SDK1: variants seen among roughly 807,000 people sequenced by gnomAD.
SDK1 encodes the protein protein sidekick-1.
Under a neutral mutation model 245.5 loss-of-function variants are expected in SDK1, and 157 were observed. The ratio of observed to expected loss-of-function variants is 0.64; its 90% CI spans 0.56 to 0.73. The LOEUF (loss-of-function observed/expected upper bound fraction) is 0.73. Among genes scored for constraint, SDK1 ranks in the 30% least tolerant of loss-of-function variants. The pLI, the probability that SDK1 is intolerant of heterozygous loss-of-function variation, is 0.00. For synonymous variants in SDK1, 1,647 were observed against 1,278.5 expected (o/e 1.29, Z -6.15); for missense variants, 3,583 against 3,002.3 (o/e 1.19, Z -4.52).
chr7:3,860,776 G>A (rs1003997176), intron 5 of SDK1, among the ~76,000 whole-genome samples: 5 of 151,972 alleles, frequency 3.3e-5, no homozygotes, highest in Admixed American at 2.6e-4. Flanking sequence ...TGATAATGCC[G>A]CACCTGACAC....
In SDK1 at chr7:3,913,375, C is replaced by G. The variant is rs533935499; in HGVS notation, c.848-37548C>G. Among the ~76,000 whole-genome samples, 97 of 150,998 alleles carry G rather than the reference C, an allele frequency of 6.4e-4. 1 individual carries two copies. The highest frequency in any genetic ancestry group is 1.7e-3 in the Admixed American group (25 of 15,102). On this transcript the variant is annotated intron_variant, in intron 5 of 44. Transcript: ENST00000404826. The stretch of plus-strand genomic sequence containing the variant: ...GTGGCACGATCTCGGCTCACTGCAA[C>G]CTCCGCCTCCCAGGTTCACGCCATT...
chr7:3,565,421 C>G (rs566958240), intron 1 of SDK1, among the ~76,000 whole-genome samples: 1 of 152,126 alleles, frequency 6.6e-6, no homozygotes, highest in East Asian at 1.9e-4. Flanking sequence ...CTTAACATAG[C>G]GTTTTCATTT....
chr7:4,083,773 T>TA (rs1429491533), intron 22 of SDK1, among the ~76,000 whole-genome samples: 1 of 5,966 alleles, frequency 1.7e-4, no homozygotes, highest in Non-Finnish European at 2.9e-4. Context: ...CTCCCTCCCT[T>TA]CTTTCCTCCC....
intron 39 of SDK1, among the ~76,000 whole-genome samples, chr7:4,220,675 G>A (rs1785100620): frequency 6.6e-6 from 1 of 152,152 alleles, no homozygotes; most frequent in African/African-American, 2.4e-5. Flanking sequence ...GAAGGCGTGG[G>A]CTGCAGAACC....
chr7:4,242,522 C>G (rs1194996414), intron 43 of SDK1, among the ~76,000 whole-genome samples: 1 of 152,014 alleles, frequency 6.6e-6, no homozygotes, highest in Non-Finnish European at 1.5e-5. Context: ...GAGCGCCATC[C>G]TCTGATTTGA....
intron 1 of SDK1, among the ~76,000 whole-genome samples, chr7:3,452,704 A>G (rs1204270418): frequency 6.6e-6 from 1 of 152,148 alleles, no homozygotes; most frequent in Admixed American, 6.5e-5. Flanking sequence ...AATTCAAGGA[A>G]ATATACATAG....
At chr7:3,311,157 C>G (rs1243240559) in intron 1 of SDK1, among the ~76,000 whole-genome samples, 2 of 152,028 alleles carry the variant, frequency 1.3e-5, no homozygotes, top group Non-Finnish European at 1.5e-5. Context: ...GGCTGGGATA[C>G]AACCTGGATA....
chr7:4,087,474 C>T (rs1235539245), intron 22 of SDK1, among the ~76,000 whole-genome samples: 4 of 111,854 alleles, frequency 3.6e-5, no homozygotes, highest in African/African-American at 1.3e-4. Flanking sequence ...CAGACACACA[C>T]GCGCGCACAC....
chr7:4,236,923 T>G (rs1030023694), intron 41 of SDK1, among the ~76,000 whole-genome samples: 2 of 152,136 alleles, frequency 1.3e-5, no homozygotes, highest in African/African-American at 4.8e-5. Context: ...GCTTGTTTTG[T>G]GGAGACAGGG....
intron 24 of SDK1, 92 bp downstream of exon 24, chr7:4,113,531 C>T (rs1384600936): frequency 7.8e-6 from 11 of 1,413,342 alleles, no homozygotes; most frequent in South Asian, 5.2e-5. Flanking sequence ...TTCTTAGTCA[C>T]GCCTTTGTCC....
At chr7:3,949,909 A>C (rs1018423643) in intron 5 of SDK1, among the ~76,000 whole-genome samples, 8 of 152,236 alleles carry the variant, frequency 5.3e-5, no homozygotes, top group Non-Finnish European at 1.0e-4. Flanking sequence ...GGCTCCAGGG[A>C]AGCATATTTG....
At chr7:3,636,005 A>C (rs1029376250) in intron 2 of SDK1, among the ~76,000 whole-genome samples, 2 of 152,216 alleles carry the variant, frequency 1.3e-5, no homozygotes. Context: ...TTTTTGTTCA[A>C]ATATGATGTA....
chr7:3,956,206 C>T (rs1199227489), intron 7 of SDK1, among the ~76,000 whole-genome samples: 2 of 152,208 alleles, frequency 1.3e-5, no homozygotes, highest in African/African-American at 4.8e-5. Flanking sequence ...TGCCCTCGCC[C>T]TCTTGCCCTC....
chr7:3,641,633 A>G (rs1343572451), intron 3 of SDK1, among the ~76,000 whole-genome samples: 1 of 152,260 alleles, frequency 6.6e-6, no homozygotes, highest in Non-Finnish European at 1.5e-5. Flanking sequence ...AAACTGCTTC[A>G]CGTGGCTCTA....
At chr7:3,749,096 T>C (rs1007909756) in intron 4 of SDK1, among the ~76,000 whole-genome samples, 4 of 152,206 alleles carry the variant, frequency 2.6e-5, no homozygotes, top group African/African-American at 7.2e-5. Flanking sequence ...TCAGATGATA[T>C]AATAGATAAG....
chr7:3,565,326 C>G (rs1392877187), intron 1 of SDK1, among the ~76,000 whole-genome samples: 2 of 152,092 alleles, frequency 1.3e-5, no homozygotes, highest in African/African-American at 4.8e-5. Context: ...ATCTGTCAGA[C>G]CTATTCAACA....
At chr7:4,114,307 C>T in intron 25 of SDK1, 33 bp downstream of exon 25, 1 of 1,522,342 alleles carries the variant, frequency 6.6e-7, no homozygotes, top group African/African-American at 1.4e-5. Flanking sequence ...CCTGGAGACA[C>T]CGCATTAGAG....
intron 4 of SDK1, among the ~76,000 whole-genome samples, chr7:3,765,962 G>A (rs777349117): frequency 6.6e-6 from 1 of 152,152 alleles, no homozygotes; most frequent in African/African-American, 2.4e-5. Flanking sequence ...TCCTCCATGA[G>A]ATACAGAACC....
At chr7:4,093,776 G>A (rs1282661128) in intron 22 of SDK1, among the ~76,000 whole-genome samples, 3 of 152,206 alleles carry the variant, frequency 2.0e-5, no homozygotes, top group East Asian at 1.9e-4. Flanking sequence ...CCGAGGGACC[G>A]GATCCTGGGC....
Sources: gnomAD v4.1 joint callset for allele counts (sites outside exome capture counted in the v4.1 genomes callset) on GRCh38, gnomAD v4.1.1 for gene constraint, MANE v1.5 for transcripts, NCBI Gene and HGNC (gene_info 2026-07-23, HGNC 2026-07-21) for gene names.